The following IL21 variants were observed in gnomAD, a reference collection of about 807,000 sequenced individuals.
The protein encoded by IL21 is interleukin-21.
In IL21, 3 loss-of-function variants were observed where a neutral mutation model predicts 18.4. The ratio of observed to expected loss-of-function variants is 0.16; its 90% CI spans 0.07 to 0.42. The LOEUF (loss-of-function observed/expected upper bound fraction) is 0.42, where lower values mean the gene tolerates loss of function less well. Ranked by LOEUF, IL21 falls within the 10% of genes least tolerant of loss-of-function variation. The probability of loss-of-function intolerance (pLI) is 0.99; values close to 1 mark genes in which losing one functional copy is unlikely to be tolerated. For missense variants in IL21, 130 were observed against 188.4 expected (o/e 0.69, Z 1.81); for synonymous variants, 37 against 62.0 (o/e 0.60, Z 1.90).
chr4:122,615,367 AAAAC>A (rs1448509724), intron 3 of IL21, among the ~76,000 whole-genome samples: 16 of 152,124 alleles, frequency 1.1e-4, no homozygotes, highest in African/African-American at 3.1e-4. Flanking sequence ...TAAAAATACA[AAAAC>A]AAAATTAGCC....
Position 122,612,645 on chromosome 4 carries a change from C to T in IL21, c.*65G>A, listed in dbSNP as rs2150684690. 8.3e-7 allele frequency: 1 copy of T among 1,211,198 alleles called. No homozygotes were observed. Among genetic ancestry groups the T allele is most frequent in the South Asian group, 1.2e-5 (1 of 81,696 alleles). The allele number at this position is 1,211,198 out of a possible 1,614,324, so 75.0% of individuals were successfully genotyped here. A position where few individuals can be genotyped will look rare whatever the true frequency, so the allele number is the denominator to read the frequency against. On this transcript the variant is annotated 3_prime_UTR_variant, in exon 5 of 5. Coordinates refer to ENST00000648588, the MANE Select transcript of IL21 (RefSeq NM_021803.4). ...ATATTGTACTCCTCCACTTGGAATACAAAGAAATGACTTTCACTACTATAT... is the reference window on the plus strand; with the variant it reads ...ATATTGTACTCCTCCACTTGGAATATAAAGAAATGACTTTCACTACTATAT...
At chr4:122,613,125 T>C (rs1434391242) in intron 3 of IL21, among the ~76,000 whole-genome samples, 197 bp from the exon 4 acceptor site, 2 of 152,156 alleles carry the variant, frequency 1.3e-5, no homozygotes, top group African/African-American at 4.8e-5. Context: ...CACTGCAATG[T>C]TTTAATGTAT....
At chr4:122,612,823 A>G in intron 4 of IL21, 28 bp downstream of exon 4, 1 of 1,612,640 alleles carries the variant, frequency 6.2e-7, no homozygotes, top group Non-Finnish European at 8.5e-7. Context: ...GATAAAGCAG[A>G]AAATCAAATG....
intron 2 of IL21, among the ~76,000 whole-genome samples, chr4:122,620,372 GTAAC>G (rs1799408745): frequency 6.6e-6 from 1 of 152,156 alleles, no homozygotes; most frequent in Non-Finnish European, 1.5e-5. Context: ...CTCTTAAAGA[GTAAC>G]TAGCTGTGCA....
At chr4:122,617,539 G>T (rs1799352817) in intron 2 of IL21, among the ~76,000 whole-genome samples, 1 of 152,174 alleles carries the variant, frequency 6.6e-6, no homozygotes, top group African/African-American at 2.4e-5. Context: ...CCAGCCAAAT[G>T]AACTCCCTTG....
intron 1 of IL21, 52 bp from the exon 2 acceptor site, chr4:122,620,788 T>C: frequency 6.2e-7 from 1 of 1,611,638 alleles, no homozygotes; most frequent in South Asian, 1.1e-5. Flanking sequence ...CAAACCCTCC[T>C]TTTATATTAA....
Position 122,620,884 on chromosome 4 carries a change from A to G in IL21, c.128T>C (p.Ile43Thr), listed in dbSNP as rs1182579210. Residue 43 changes from isoleucine to threonine, a missense_variant, in exon 1 of 5, where the codon ATA becomes ACA. Transcript: ENST00000648588. ...DRHMIRMRQL[I>T]DIVDQLKNYV... is the part of the protein sequence containing the mutation. ...ATTTTTCAGCTGATCAACAATATCTATAAGTTGACGCATTCTAATCATGTG... is the reference window on the plus strand; with the variant it reads ...ATTTTTCAGCTGATCAACAATATCTGTAAGTTGACGCATTCTAATCATGTG... 6 of 1,614,080 alleles carry G rather than the reference A, an allele frequency of 3.7e-6. No homozygotes were observed. The highest frequency in any genetic ancestry group is 2.2e-5 in the South Asian group (2 of 91,090).
chr4:122,611,499 C>G lies in IL21; in HGVS notation c.*1211G>C, dbSNP rs149515555. 4.3e-4 allele frequency among the ~76,000 whole-genome samples: 65 copies of G among 152,310 alleles called. No homozygotes were observed. In the East Asian group the frequency reaches 0.011, roughly 27 times the overall value. ...AGATTCTCAAATAGCTTATACCATT[C>G]TAGCGAACATTTTACTTTTCTAGAG... On this transcript the variant is annotated 3_prime_UTR_variant, in exon 5 of 5. Coordinates refer to ENST00000648588, the MANE Select transcript of IL21 (RefSeq NM_021803.4).
At position 122,610,941 on chromosome 4, in the gene IL21, C is replaced by T. The variant is rs528013670; in HGVS notation, c.*1769G>A. 4.9e-4 allele frequency among the ~76,000 whole-genome samples: 75 copies of T among 152,212 alleles called. No homozygotes were observed. Among genetic ancestry groups the T allele is most frequent in the African/African-American group, 1.7e-3 (71 of 41,530 alleles). ...GTTTAATGAAGGCTCTTAGCCAAAC[C>T]CTCACTGAGTTATTTTTACTTTTAA... On this transcript the variant is annotated 3_prime_UTR_variant, in exon 5 of 5. Coordinates refer to ENST00000648588, the MANE Select transcript of IL21 (RefSeq NM_021803.4).
chr4:122,613,945 A>G lies in IL21; in HGVS notation c.361-1017T>C, dbSNP rs566206188. Among the ~76,000 whole-genome samples the G allele has an allele frequency of 3.3e-5, 5 of 152,216 alleles. No individual in the cohort carries two copies. In the South Asian group the frequency reaches 1.0e-3, roughly 32 times the overall value. ...AGATTGAACAGTTTTTCATATATGG[A>G]TTGCTCACTTAGATTTTTAAAAAGC... On this transcript the variant is annotated intron_variant, in intron 3 of 4. Transcript: ENST00000648588.
At position 122,620,737 on chromosome 4, in the gene IL21, C is replaced by G. The variant is rs774198020; in HGVS notation, c.169-1G>C. 1 of 1,613,404 alleles carries G rather than the reference C, an allele frequency of 6.2e-7. No individual in the cohort carries two copies. The highest frequency in any genetic ancestry group is 8.5e-7 in the Non-Finnish European group (1 of 1,179,794). ...CTGGAGCTGGCAGAAATTCAGGGACCTAGAGCAAAAGAAAATTTGTTCTGA... is the reference window on the plus strand; with the variant it reads ...CTGGAGCTGGCAGAAATTCAGGGACGTAGAGCAAAAGAAAATTTGTTCTGA... On this transcript the variant is annotated splice_acceptor_variant, in intron 1 of 4. Coordinates refer to ENST00000648588, the MANE Select transcript of IL21 (RefSeq NM_021803.4). LOFTEE classifies it high-confidence loss of function.
Position 122,611,084 on chromosome 4 carries a change from A to G in IL21, c.*1626T>C, listed in dbSNP as rs919679831. On this transcript the variant is annotated 3_prime_UTR_variant, in exon 5 of 5. Coordinates refer to ENST00000648588, the MANE Select transcript of IL21 (RefSeq NM_021803.4). ...CCAAGAAGTTAATAGCTATACATTC[A>G]GAAACAAGAAATACAGATTCCATCT... is the stretch of plus-strand genomic sequence containing the variant. Among the ~76,000 whole-genome samples, 1 of 152,240 alleles carries G rather than the reference A, an allele frequency of 6.6e-6. No homozygotes were observed. Among genetic ancestry groups the G allele is most frequent in the African/African-American group, 2.4e-5 (1 of 41,466 alleles).
intron 3 of IL21, among the ~76,000 whole-genome samples, chr4:122,614,788 G>T (rs1197570719): frequency 2.0e-5 from 3 of 152,040 alleles, no homozygotes; most frequent in Non-Finnish European, 4.4e-5. Context: ...ATGTTCTTGG[G>T]TATCTGCATT....
intron 2 of IL21, among the ~76,000 whole-genome samples, 191 bp from the exon 3 acceptor site, chr4:122,616,028 GATA>G (rs1213039253): frequency 1.3e-5 from 2 of 152,236 alleles, no homozygotes; most frequent in African/African-American, 4.8e-5. Flanking sequence ...CTGCTTCGCA[GATA>G]AGAGAGAAAG....
At chr4:122,613,554 G>C (rs1395168402) in intron 3 of IL21, among the ~76,000 whole-genome samples, 1 of 151,984 alleles carries the variant, frequency 6.6e-6, no homozygotes. Context: ...GTTTCACCAT[G>C]TTGGCCAGGC....
intron 2 of IL21, among the ~76,000 whole-genome samples, chr4:122,618,539 G>T (rs1284694421): frequency 6.6e-6 from 1 of 152,082 alleles, no homozygotes; most frequent in Admixed American, 6.5e-5. Context: ...GGGTGCAGTG[G>T]CTCACGCCTG....
chr4:122,610,500 G>A lies in IL21; in HGVS notation c.*2210C>T, dbSNP rs764847373. ...ACTGAGCAACTGAACATCAGACTCA[G>A]TAGAAAGTTTTACTCAGAAGTATGA... On this transcript the variant is annotated 3_prime_UTR_variant, in exon 5 of 5. Transcript: ENST00000648588. Among the ~76,000 whole-genome samples, 14 of 152,026 alleles carry A rather than the reference G, an allele frequency of 9.2e-5. No homozygotes were observed. Among genetic ancestry groups the A allele is most frequent in the Non-Finnish European group, 1.9e-4 (13 of 68,008 alleles).
chr4:122,615,434 A>G (rs1799323000), intron 3 of IL21, among the ~76,000 whole-genome samples: 1 of 151,840 alleles, frequency 6.6e-6, no homozygotes, highest in Non-Finnish European at 1.5e-5. Flanking sequence ...CTGAGGTAGG[A>G]GGAGAATGGC....
At position 122,611,717 on chromosome 4, in the gene IL21, C is replaced by T. The variant is rs1394759972; in HGVS notation, c.*993G>A. Among the ~76,000 whole-genome samples the T allele has an allele frequency of 1.3e-5, 2 of 152,076 alleles. No individual in the cohort carries two copies. The highest frequency in any genetic ancestry group is 2.9e-5 in the Non-Finnish European group (2 of 68,018). On this transcript the variant is annotated 3_prime_UTR_variant, in exon 5 of 5. Coordinates refer to ENST00000648588, the MANE Select transcript of IL21 (RefSeq NM_021803.4). The stretch of plus-strand genomic sequence containing the variant: ...AAATTATATAGGTGATTGAATTTGT[C>T]TTATCCAAAGTATAGTAACTATAAG...
Sources: gnomAD v4.1 joint callset for allele counts (sites outside exome capture counted in the v4.1 genomes callset) on GRCh38, gnomAD v4.1.1 for gene constraint, MANE v1.5 for transcripts, NCBI Gene and HGNC (gene_info 2026-07-23, HGNC 2026-07-21) for gene names.